Variants in PCDHGA7 observed in about 807,000 individuals in gnomAD.
PCDHGA7 encodes the protein protocadherin gamma-A7.
A neutral mutation model predicts 58.3 loss-of-function variants in PCDHGA7; 44 were observed. That is an observed-to-expected ratio of 0.75 (90% CI 0.59 to 0.97). The LOEUF (loss-of-function observed/expected upper bound fraction) is 0.97. Among genes scored for constraint, PCDHGA7 ranks in the 50% least tolerant of loss-of-function variants. The pLI is 0.00. For missense variants in PCDHGA7, 1,266 were observed against 1,188.7 expected, an observed-to-expected ratio of 1.06 and a Z score of -0.96; for synonymous variants, 516 against 504.2, an observed-to-expected ratio of 1.02 and a Z score of -0.31.
Position 141,476,788 on chromosome 5 carries a change from C to G in PCDHGA7, c.2425-18019C>G. 1 of 1,613,478 alleles carries G rather than the reference C, an allele frequency of 6.2e-7. No homozygotes were observed. Among genetic ancestry groups the G allele is most frequent in the Non-Finnish European group, 8.5e-7 (1 of 1,180,032 alleles). ...CGTTGGACGGAGGGACCCCAGCTCT[C>G]TCCGCCAGCCTGCCTATTCACATCA... On this transcript the variant is annotated intron_variant, in intron 1 of 3. Coordinates refer to ENST00000518325, the MANE Select transcript of PCDHGA7 (RefSeq NM_018920.4). This position sits in a 1 kb window ranked among gnomAD's most constrained non-coding sequence, Gnocchi z 7.6.
intron 1 of PCDHGA7, chr5:141,403,227 G>C (rs2094378929): frequency 1.2e-6 from 2 of 1,608,848 alleles, no homozygotes; most frequent in African/African-American, 1.3e-5. Context: ...AGGATAGACC[G>C]GGAGGAGCTC....
intron 1 of PCDHGA7, chr5:141,399,634 A>C: frequency 6.2e-7 from 1 of 1,613,860 alleles, no homozygotes; most frequent in East Asian, 2.2e-5. Context: ...TTACGTGTCC[A>C]TGAGCGCGCA....
chr5:141,385,526 G>C (rs1265906180), intron 1 of PCDHGA7: 1 of 1,352,594 alleles, frequency 7.4e-7, no homozygotes, highest in East Asian at 2.7e-5. Context: ...CTATGGACAA[G>C]ATTATGAATA....
Position 141,490,688 on chromosome 5 carries a change from C to G in PCDHGA7, c.2425-4119C>G. 1 of 1,614,218 alleles carries G rather than the reference C, an allele frequency of 6.2e-7. No individual in the cohort carries two copies. Among genetic ancestry groups the G allele is most frequent in the Non-Finnish European group, 8.5e-7 (1 of 1,180,032 alleles). On this transcript the variant is annotated intron_variant, in intron 1 of 3. Coordinates refer to ENST00000518325, the MANE Select transcript of PCDHGA7 (RefSeq NM_018920.4). The surrounding 1 kb of genome is among the most constrained non-coding windows in gnomAD (Gnocchi z 5.4). ...ACTGTGGCTGCCTCAGATCCAGACA[C>G]TGGGGATAATGCCCGCCTCACCTAC...
At chr5:141,405,118 G>C (rs368800698) in intron 1 of PCDHGA7, 2 of 1,613,946 alleles carry the variant, frequency 1.2e-6, no homozygotes, top group Non-Finnish European at 8.5e-7. Flanking sequence ...GGCACTCCTC[G>C]CATCTGCTGC....
chr5:141,433,397 A>ATCTG (rs1179042498), intron 1 of PCDHGA7, among the ~76,000 whole-genome samples: 9 of 150,410 alleles, frequency 6.0e-5, no homozygotes, highest in Non-Finnish European at 1.0e-4. Context: ...CTATCTATCT[A>ATCTG]TCTATCTATT....
In PCDHGA7 at chr5:141,383,904, C is replaced by T. The variant is rs759650044; in HGVS notation, c.1005C>T (p.Ile335=). ...PGSLTKAKVL[I]TVLDVNDNAP... is the part of the protein sequence containing the mutation. ...GTCTGACAAAGGCAAAAGTACTGAT[C>T]ACAGTTTTAGATGTAAATGATAATG... The change falls in exon 1 of 4, where the codon ATC becomes ATT. Residue 335 remains isoleucine, a synonymous_variant. Coordinates refer to ENST00000518325, the MANE Select transcript of PCDHGA7 (RefSeq NM_018920.4). The T allele has an allele frequency of 1.1e-5, 18 of 1,613,626 alleles. No homozygotes were observed. The South Asian group carries it at 1.8e-4, about 16-fold the overall frequency.
chr5:141,388,663 C>T (rs770660956), intron 1 of PCDHGA7: 1 of 1,613,810 alleles, frequency 6.2e-7, no homozygotes, highest in Non-Finnish European at 8.5e-7. Flanking sequence ...CCGGGGACCA[C>T]GGTGCTACAG....
Position 141,487,845 on chromosome 5 carries a change from A to C in PCDHGA7, c.2425-6962A>C, listed in dbSNP as rs2099667978. ...GGGTCATGCCTATATCTGAGTAAGA[A>C]ATGAAAGTAATTGGTGATCAAGAGC... On this transcript the variant is annotated intron_variant, in intron 1 of 3. Coordinates refer to ENST00000518325, the MANE Select transcript of PCDHGA7 (RefSeq NM_018920.4). The surrounding 1 kb of genome is among the most constrained non-coding windows in gnomAD (Gnocchi z 5.0). 2.9e-6 allele frequency: 3 copies of C among 1,027,382 alleles called. No homozygotes were observed. Among genetic ancestry groups the C allele is most frequent in the Non-Finnish European group, 4.2e-6 (3 of 716,452 alleles). The allele number at this position is 1,027,382 out of a possible 1,614,324, so 63.6% of individuals were successfully genotyped here.
intron 1 of PCDHGA7, chr5:141,397,999 G>GA (rs2093596115): frequency 2.9e-6 from 4 of 1,387,690 alleles, no homozygotes; most frequent in African/African-American, 2.9e-5. Flanking sequence ...TTCCTCCTCG[G>GA]AAAAAGAATC....
chr5:141,478,118 G>A (rs1266841885), intron 1 of PCDHGA7: 1 of 1,613,930 alleles, frequency 6.2e-7, no homozygotes, highest in East Asian at 2.2e-5. Context: ...GTCAGTAACC[G>A]AGGACTCTCC....
Position 141,400,574 on chromosome 5 carries a change from T to A in PCDHGA7, c.2424+15251T>A, listed in dbSNP as rs1589419530. On this transcript the variant is annotated intron_variant, in intron 1 of 3. Transcript: ENST00000518325. ...TTTTCATTACCCACCCAATTTTCTG[T>A]ATTTACATGAAACTATCGTACATTT... 3 of 1,612,232 alleles carry A rather than the reference T, an allele frequency of 1.9e-6. No individual in the cohort carries two copies. In the Middle Eastern group the frequency reaches 4.9e-4, roughly 266 times the overall value.
intron 1 of PCDHGA7, among the ~76,000 whole-genome samples, chr5:141,464,076 C>A (rs561982216): frequency 3.1e-4 from 47 of 152,132 alleles, no homozygotes; most frequent in African/African-American, 9.4e-4. Context: ...GCCAGCCTGG[C>A]CAACATGGTG....
intron 1 of PCDHGA7, among the ~76,000 whole-genome samples, chr5:141,402,220 C>T (rs1489596372): frequency 2.0e-5 from 3 of 151,886 alleles, no homozygotes; most frequent in African/African-American, 2.4e-5. Context: ...TTAAAATAAA[C>T]GTTTTTCCAG....
chr5:141,403,611 C>T lies in PCDHGA7; in HGVS notation c.2424+18288C>T. ...CTCACGGCCTCGGATGGCGGCGAGCCGCGTCGCTCCAGCACAGTGCGCATC... is the reference window on the plus strand; with the variant it reads ...CTCACGGCCTCGGATGGCGGCGAGCTGCGTCGCTCCAGCACAGTGCGCATC... On this transcript the variant is annotated intron_variant, in intron 1 of 3. Transcript: ENST00000518325. 6.2e-7 allele frequency: 1 copy of T among 1,613,860 alleles called. No homozygotes were observed.
intron 1 of PCDHGA7, among the ~76,000 whole-genome samples, chr5:141,494,177 TG>T (rs2099752471): frequency 6.6e-6 from 1 of 152,176 alleles, no homozygotes; most frequent in Non-Finnish European, 1.5e-5. Flanking sequence ...GGGTGAGAAG[TG>T]TCCCGGGACT....
chr5:141,490,936 C>T lies in PCDHGA7; in HGVS notation c.2425-3871C>T. 6.2e-7 allele frequency: 1 copy of T among 1,613,694 alleles called. No individual in the cohort carries two copies. On this transcript the variant is annotated intron_variant, in intron 1 of 3. Transcript: ENST00000518325. The surrounding 1 kb of genome is among the most constrained non-coding windows in gnomAD (Gnocchi z 5.4). ...GAATGATAATGCCCCAGCTGTGCTG[C>T]ACCCACGGCCAGACTGGGAACACTC...
chr5:141,443,561 C>T (rs1487096752), intron 1 of PCDHGA7, among the ~76,000 whole-genome samples: 3 of 152,118 alleles, frequency 2.0e-5, no homozygotes, highest in Non-Finnish European at 1.5e-5. Context: ...AATTCAAATG[C>T]TTTAAATGGA....
At chr5:141,400,143 T>C (rs2093969868) in intron 1 of PCDHGA7, 2 of 1,613,986 alleles carry the variant, frequency 1.2e-6, no homozygotes, top group Admixed American at 3.3e-5. Flanking sequence ...CGGATATCAC[T>C]GACCGCCCTG....
Sources: gnomAD v4.1 joint callset for allele counts (sites outside exome capture counted in the v4.1 genomes callset) on GRCh38, gnomAD v4.1.1 for gene constraint, Gnocchi (gnomAD v3.1) non-coding constraint, MANE v1.5 for transcripts, NCBI Gene and HGNC (gene_info 2026-07-23, HGNC 2026-07-21) for gene names.